CNOT4: variants seen among roughly 807,000 people sequenced by gnomAD.
CNOT4 encodes the protein CCR4-associated factor 4.
CNOT4 carries 8 observed loss-of-function variants against 73.8 expected under a neutral mutation model. The ratio of observed to expected loss-of-function variants is 0.11; its 90% CI spans 0.06 to 0.20. The LOEUF (loss-of-function observed/expected upper bound fraction) is 0.20. CNOT4 is among the 10% of genes least tolerant of loss of function. The pLI is 1.00. For synonymous variants in CNOT4, 293 were observed against 321.1 expected, an observed-to-expected ratio of 0.91 and a Z score of 0.94; for missense variants, 564 against 883.4, an observed-to-expected ratio of 0.64 and a Z score of 4.58.
chr7:135,508,065 CA>C (rs1479385337), intron 1 of CNOT4, among the ~76,000 whole-genome samples: 1 of 152,084 alleles, frequency 6.6e-6, no homozygotes, highest in Non-Finnish European at 1.5e-5. Context: ...GTTAAGATTC[CA>C]AATTTTACAG....
intron 1 of CNOT4, among the ~76,000 whole-genome samples, chr7:135,441,407 A>T (rs986584339): frequency 5.7e-5 from 8 of 141,082 alleles, no homozygotes; most frequent in South Asian, 2.3e-4. Context: ...AAATAAAATT[A>T]AAAAAAAAAA....
rs112992585 is a variant in CNOT4, at chr7:135,429,103, C to T, written c.175-6750G>A. ...AGGGGAAGTCTCTCCATTATAAATA[C>T]GGATGTCAGTTTCTCCTGGTGTTTA... On this transcript the variant is annotated intron_variant, in intron 2 of 11. Coordinates refer to ENST00000541284, the MANE Select transcript of CNOT4 (RefSeq NM_001190850.2). Among the ~76,000 whole-genome samples, 10 of 152,244 alleles carry T rather than the reference C, an allele frequency of 6.6e-5. 1 individual carries two copies. Among genetic ancestry groups the T allele is most frequent in the African/African-American group, 1.7e-4 (7 of 41,544 alleles).
intron 1 of CNOT4, among the ~76,000 whole-genome samples, chr7:135,459,789 T>C (rs984916997): frequency 3.9e-5 from 6 of 152,220 alleles, no homozygotes; most frequent in Admixed American, 2.0e-4. Context: ...CTTTGAAGCT[T>C]TGAAGCCTTG....
At position 135,510,046 on chromosome 7, in the gene CNOT4, T is replaced by C. The variant is rs1294243927; in HGVS notation, c.-250A>G. On this transcript the variant is annotated 5_prime_UTR_variant, in exon 1 of 12. Transcript: ENST00000541284. Reference sequence around the variant, plus strand: ...ACGGCTGAGAGAGAGACTCTCAGCTTTCGGTGGGTTCCACAGCCAGACGGG... The same window carrying C: ...ACGGCTGAGAGAGAGACTCTCAGCTCTCGGTGGGTTCCACAGCCAGACGGG... 7.5e-6 allele frequency: 3 copies of C among 398,936 alleles called. No homozygotes were observed. The highest frequency in any genetic ancestry group is 1.3e-5 in the Non-Finnish European group (3 of 226,128). The allele number at this position is 398,936 out of a possible 1,614,324, so 24.7% of individuals were successfully genotyped here.
rs550421599 is a variant in CNOT4 at position 135,503,253 on chromosome 7, C to T, written c.-93+6636G>A. On this transcript the variant is annotated intron_variant, in intron 1 of 11. Coordinates refer to ENST00000541284, the MANE Select transcript of CNOT4 (RefSeq NM_001190850.2). ...GCTGAGATAAGAGGATCACTTAAGC[C>T]CAGAAGTTTGAGACTACCCTGGGCA... 8.6e-5 allele frequency among the ~76,000 whole-genome samples: 13 copies of T among 152,004 alleles called. No homozygotes were observed. In the South Asian group the frequency reaches 1.0e-3, roughly 12 times the overall value.
chr7:135,421,369 A>C (rs1034542005), intron 3 of CNOT4, among the ~76,000 whole-genome samples: 7 of 152,110 alleles, frequency 4.6e-5, no homozygotes, highest in Non-Finnish European at 8.8e-5. Flanking sequence ...AAGATCCCCC[A>C]AAACCAGCTC....
At chr7:135,413,745 C>G in intron 5 of CNOT4, 132 bp from the exon 6 acceptor site, 1 of 723,358 alleles carries the variant, frequency 1.4e-6, no homozygotes, top group Non-Finnish European at 2.2e-6. Context: ...AGTATGGCTG[C>G]AAATACTAGA....
At chr7:135,432,182 T>C (rs998282758) in intron 2 of CNOT4, among the ~76,000 whole-genome samples, 1 of 152,208 alleles carries the variant, frequency 6.6e-6, no homozygotes, top group Non-Finnish European at 1.5e-5. Flanking sequence ...CAGATGCTAG[T>C]ATTGGATTTA....
intron 1 of CNOT4, among the ~76,000 whole-genome samples, chr7:135,493,541 A>G (rs917331655): frequency 1.3e-5 from 2 of 152,214 alleles, no homozygotes; most frequent in African/African-American, 4.8e-5. Flanking sequence ...ACTGGGTTGC[A>G]CAATGGCAAG....
intron 7 of CNOT4, among the ~76,000 whole-genome samples, chr7:135,406,868 A>G (rs1204814579): frequency 6.6e-6 from 1 of 152,210 alleles, no homozygotes; most frequent in African/African-American, 2.4e-5. Context: ...CAAAGTCAAT[A>G]AAATGTTAGC....
intron 1 of CNOT4, among the ~76,000 whole-genome samples, chr7:135,465,508 C>T (rs995942984): frequency 1.3e-5 from 2 of 152,198 alleles, no homozygotes; most frequent in Admixed American, 6.5e-5. Context: ...CTACACTACA[C>T]TTTTTATCAT....
At chr7:135,455,215 A>G (rs146238965) in intron 1 of CNOT4, among the ~76,000 whole-genome samples, 2 of 152,004 alleles carry the variant, frequency 1.3e-5, no homozygotes, top group East Asian at 3.9e-4. Flanking sequence ...TCCAGGCTGC[A>G]GTGACCTAGG....
intron 4 of CNOT4, 86 bp downstream of exon 4, chr7:135,415,090 T>C: frequency 1.3e-6 from 1 of 791,990 alleles, no homozygotes; most frequent in East Asian, 2.5e-5. Context: ...AGCTTTCTAA[T>C]CAGAGAGAGC....
chr7:135,419,333 T>C (rs1009827177), intron 3 of CNOT4, among the ~76,000 whole-genome samples: 2 of 152,200 alleles, frequency 1.3e-5, no homozygotes, highest in Non-Finnish European at 2.9e-5. Flanking sequence ...GGATCCTTCT[T>C]TGACTTGAAA....
chr7:135,363,286 A>C lies in CNOT4; in HGVS notation c.1841-100T>G. The C allele has an allele frequency of 9.7e-7, 1 of 1,035,810 alleles. No individual in the cohort carries two copies. The highest frequency in any genetic ancestry group is 1.5e-6 in the Non-Finnish European group (1 of 687,064). The allele number at this position is 1,035,810 out of a possible 1,614,324, so 64.2% of individuals were successfully genotyped here. A position where few individuals can be genotyped will look rare whatever the true frequency, so the allele number is the denominator to read the frequency against. On this transcript the variant is annotated intron_variant, in intron 11 of 11. Coordinates refer to ENST00000541284, the MANE Select transcript of CNOT4 (RefSeq NM_001190850.2). This position sits in a 1 kb window ranked among gnomAD's most constrained non-coding sequence, Gnocchi z 4.3. ...AAAGCAAAACCAAAAGGAAAGACAG[A>C]AGAGATTACAATTTTAAACTCCTTC...
intron 1 of CNOT4, among the ~76,000 whole-genome samples, chr7:135,478,665 T>C (rs974819020): frequency 6.6e-6 from 1 of 152,204 alleles, no homozygotes; most frequent in Non-Finnish European, 1.5e-5. Context: ...ATCGCACCAC[T>C]GCACTTCAGC....
chr7:135,414,714 C>T (rs1238833667), intron 4 of CNOT4, among the ~76,000 whole-genome samples: 3 of 151,618 alleles, frequency 2.0e-5, no homozygotes, highest in Non-Finnish European at 2.9e-5. Flanking sequence ...TTGACAGGCT[C>T]GTCAAGGTTA....
chr7:135,434,542 AT>A (rs1466846734), intron 2 of CNOT4, among the ~76,000 whole-genome samples: 1 of 152,138 alleles, frequency 6.6e-6, no homozygotes, highest in Non-Finnish European at 1.5e-5. Context: ...TGTAATCTGG[AT>A]TTCTTTTTTC....
chr7:135,503,519 T>TAAG (rs1337753574), intron 1 of CNOT4, among the ~76,000 whole-genome samples: 1 of 152,186 alleles, frequency 6.6e-6, no homozygotes, highest in East Asian at 1.9e-4. Context: ...GATTTGATAC[T>TAAG]ATTTGAAGCT....
Sources: gnomAD v4.1 joint callset for allele counts (sites outside exome capture counted in the v4.1 genomes callset) on GRCh38, gnomAD v4.1.1 for gene constraint, Gnocchi (gnomAD v3.1) non-coding constraint, MANE v1.5 for transcripts, NCBI Gene and HGNC (gene_info 2026-07-23, HGNC 2026-07-21) for gene names.